Variants in PRKAG2 observed in about 807,000 individuals in gnomAD.
PRKAG2 encodes protein kinase AMP-activated non-catalytic subunit gamma 2.
Under a neutral mutation model 69.6 loss-of-function variants are expected in PRKAG2, and 26 were observed. The ratio of observed to expected loss-of-function variants is 0.37; its 90% CI spans 0.27 to 0.52. The LOEUF (loss-of-function observed/expected upper bound fraction) is 0.52, where lower values mean the gene tolerates loss of function less well. Among genes scored for constraint, PRKAG2 ranks in the 20% least tolerant of loss-of-function variants. The pLI, the probability that PRKAG2 is intolerant of heterozygous loss-of-function variation, is 0.90. For synonymous variants in PRKAG2, 293 were observed against 285.0 expected, an observed-to-expected ratio of 1.03 and a Z score of -0.28; for missense variants, 557 against 740.0, an observed-to-expected ratio of 0.75 and a Z score of 2.87.
At chr7:151,851,693 T>A (rs1197029863) in intron 1 of PRKAG2, among the ~76,000 whole-genome samples, 3 of 152,206 alleles carry the variant, frequency 2.0e-5, no homozygotes, top group Non-Finnish European at 4.4e-5. Flanking sequence ...CCACTCTGCA[T>A]GCTGGTGAGC....
At position 151,725,210 on chromosome 7, in the gene PRKAG2, A is replaced by ATT. The variant is rs1797739780; in HGVS notation, c.467-49574_467-49573insAA. ...AGAATATTACTCAGCCTTAAAAAAG[A>ATT]GGGGGATCCTGCCACCCGCCACCCA... On this transcript the variant is annotated intron_variant, in intron 3 of 15. Transcript: ENST00000287878. Among the ~76,000 whole-genome samples the ATT allele has an allele frequency of 1.3e-5, 2 of 152,118 alleles. 1 individual carries two copies. The highest frequency in any genetic ancestry group is 4.2e-4 in the South Asian group (2 of 4,774).
intron 5 of PRKAG2, among the ~76,000 whole-genome samples, chr7:151,629,084 G>A (rs1823742782): frequency 6.6e-6 from 1 of 152,184 alleles, no homozygotes; most frequent in African/African-American, 2.4e-5. Context: ...CTGGGTTTTG[G>A]TAAAGAAGTT....
In PRKAG2 at chr7:151,835,894, A is replaced by C. The variant is rs1001924644; in HGVS notation, c.114+40613T>G. ...CACAAAGGGCAGCCTTTCCGTATTC[A>C]AGAGTGGGGTGCAGCTCAGGGAGGC... On this transcript the variant is annotated intron_variant, in intron 1 of 15. Transcript: ENST00000287878. This position sits in a 1 kb window ranked among gnomAD's most constrained non-coding sequence, Gnocchi z 4.1. Among the ~76,000 whole-genome samples, 2 of 152,170 alleles carry C rather than the reference A, an allele frequency of 1.3e-5. No homozygotes were observed. The highest frequency in any genetic ancestry group is 4.8e-5 in the African/African-American group (2 of 41,438).
At chr7:151,707,559 C>G (rs1393289393) in intron 3 of PRKAG2, among the ~76,000 whole-genome samples, 1 of 152,132 alleles carries the variant, frequency 6.6e-6, no homozygotes, top group Non-Finnish European at 1.5e-5. Flanking sequence ...GCCAGAGGCT[C>G]TCTGGCTCGC....
intron 5 of PRKAG2, among the ~76,000 whole-genome samples, chr7:151,623,577 G>C (rs755647262): frequency 6.6e-6 from 1 of 152,092 alleles, no homozygotes; most frequent in Non-Finnish European, 1.5e-5. Context: ...TGGCTAGGGG[G>C]TTGGGGACCC....
intron 8 of PRKAG2, among the ~76,000 whole-genome samples, chr7:151,573,346 T>G (rs1348560043): frequency 5.2e-5 from 7 of 133,542 alleles, no homozygotes; most frequent in African/African-American, 2.0e-4. Flanking sequence ...TTTTTTTTTT[T>G]TTTTTTTTTT....
intron 1 of PRKAG2, among the ~76,000 whole-genome samples, chr7:151,803,883 A>C (rs578225708): frequency 1.4e-3 from 213 of 146,990 alleles, no homozygotes; most frequent in African/African-American, 5.1e-3. Context: ...GGTTGCAGTG[A>C]GTTGAGATCG....
intron 1 of PRKAG2, among the ~76,000 whole-genome samples, chr7:151,796,419 C>T (rs1004512458): frequency 2.0e-5 from 3 of 152,180 alleles, no homozygotes; most frequent in Non-Finnish European, 4.4e-5. Context: ...CAAATGTCCT[C>T]CTTTGACTGT....
intron 3 of PRKAG2, among the ~76,000 whole-genome samples, chr7:151,705,401 A>C (rs1332021215): frequency 6.6e-6 from 1 of 152,152 alleles, no homozygotes; most frequent in Non-Finnish European, 1.5e-5. Context: ...TCCAGCCGGG[A>C]AAGTTGGCTG....
intron 3 of PRKAG2, among the ~76,000 whole-genome samples, chr7:151,712,621 T>TGCA (rs1256834590): frequency 1.3e-5 from 2 of 152,234 alleles, no homozygotes; most frequent in African/African-American, 4.8e-5. Flanking sequence ...GCTCCTGGGC[T>TGCA]GCAGGTCCAG....
intron 4 of PRKAG2, among the ~76,000 whole-genome samples, chr7:151,669,725 C>T (rs1333035507): frequency 6.6e-6 from 1 of 152,178 alleles, no homozygotes; most frequent in Non-Finnish European, 1.5e-5. Context: ...ACTACCACCA[C>T]CTACACACAC....
At chr7:151,558,614 A>T (rs902418000) in intron 15 of PRKAG2, 2 of 964,224 alleles carry the variant, frequency 2.1e-6, no homozygotes, top group African/African-American at 3.5e-5. Flanking sequence ...GTTCCACTCC[A>T]AAAGTTCACT....
At chr7:151,875,614 T>TGTGTGTGTGTAC (rs1554622416) in intron 1 of PRKAG2, among the ~76,000 whole-genome samples, 2 of 140,020 alleles carry the variant, frequency 1.4e-5, no homozygotes, top group East Asian at 2.1e-4. Context: ...TGTGTGTGTG[T>TGTGTGTGTGTAC]ACACAAACAT....
At chr7:151,731,383 T>C (rs1352918100) in intron 3 of PRKAG2, among the ~76,000 whole-genome samples, 1 of 152,128 alleles carries the variant, frequency 6.6e-6, no homozygotes, top group Non-Finnish European at 1.5e-5. Flanking sequence ...TCCAGGGGGC[T>C]CTGTCACAAG....
intron 3 of PRKAG2, among the ~76,000 whole-genome samples, chr7:151,677,101 A>G (rs115699432): frequency 6.6e-6 from 1 of 152,236 alleles, no homozygotes; most frequent in Non-Finnish European, 1.5e-5. Flanking sequence ...GCACTTTGTT[A>G]TAACAGCCTG....
In PRKAG2 at chr7:151,876,574, C is replaced by G. The variant is rs1173304123; in HGVS notation, c.47G>C (p.Ser16Thr). 3.1e-6 allele frequency: 5 copies of G among 1,610,504 alleles called. No homozygotes were observed. The South Asian group carries it at 5.5e-5, about 18-fold the overall frequency. ...TTTCTTGCCGCCGCTCCCGCCGGGGCTGGAAACATCTTTTTTCTTCTTGGT... is the reference window on the plus strand; with the variant it reads ...TTTCTTGCCGCCGCTCCCGCCGGGGGTGGAAACATCTTTTTTCTTCTTGGT... ...MDTKKKKDVS[S>T]PGGSGGKKNA... The change falls in exon 1 of 16, where the codon AGC (serine) becomes ACC (threonine). Residue 16 changes from serine to threonine, a missense_variant. Ser to Thr is a moderately conservative substitution (Grantham distance 58). This residue lies in a region of PRKAG2 where 352 missense variants were observed against 356.7 expected (regional missense o/e 0.99). Transcript: ENST00000287878.
At chr7:151,597,393 A>T (rs1814818479) in intron 5 of PRKAG2, among the ~76,000 whole-genome samples, 2 of 152,264 alleles carry the variant, frequency 1.3e-5, no homozygotes. Flanking sequence ...AAGCCTCAAA[A>T]GCACATGGAA....
chr7:151,671,171 CAAAAAAAAAA>C (rs11296795), intron 4 of PRKAG2, among the ~76,000 whole-genome samples: 10 of 55,424 alleles, frequency 1.8e-4, no homozygotes, highest in African/African-American at 5.9e-4. Flanking sequence ...TAGACTGTCT[CAAAAAAAAAA>C]AAAAAAAAAA....
rs1806495424 is a variant in PRKAG2, at chr7:151,567,349, A to G, written c.1233+1367T>C. ...AGCTGCATCCCTATAAAATAGGATTAATAAAAATACCTACCTGATAGGGTA... is the reference window on the plus strand; with the variant it reads ...AGCTGCATCCCTATAAAATAGGATTGATAAAAATACCTACCTGATAGGGTA... On this transcript the variant is annotated intron_variant, in intron 11 of 15. Transcript: ENST00000287878. This position sits in a 1 kb window ranked among gnomAD's most constrained non-coding sequence, Gnocchi z 4.2. 2.6e-5 allele frequency among the ~76,000 whole-genome samples: 4 copies of G among 152,208 alleles called. No individual in the cohort carries two copies. In the South Asian group the frequency reaches 8.3e-4, roughly 31 times the overall value.
Sources: allele counts gnomAD v4.1 joint callset (sites outside exome capture counted in the v4.1 genomes callset), GRCh38; gene constraint gnomAD v4.1.1; regional missense constraint gnomAD v4.1.1; non-coding constraint Gnocchi (gnomAD v3.1); transcripts MANE v1.5; gene names NCBI Gene and HGNC (gene_info 2026-07-23, HGNC 2026-07-21).